Variants in AK5 observed in about 807,000 individuals in gnomAD.
The protein encoded by AK5 is adenylate kinase 5, also known as adenylate kinase isoenzyme 5.
In AK5, 27 loss-of-function variants were observed where a neutral mutation model predicts 69.5. The ratio of observed to expected loss-of-function variants is 0.39; its 90% CI spans 0.29 to 0.54. The LOEUF (loss-of-function observed/expected upper bound fraction) is 0.54, where lower values mean the gene tolerates loss of function less well. Ranked by LOEUF, AK5 falls within the 20% of genes least tolerant of loss-of-function variation. The probability of loss-of-function intolerance (pLI) is 0.71; values close to 1 mark genes in which losing one functional copy is unlikely to be tolerated. For synonymous variants in AK5, 260 were observed against 244.4 expected (o/e 1.06, Z -0.60); for missense variants, 531 against 700.4 (o/e 0.76, Z 2.73).
chr1:77,444,760 G>C (rs915002593), intron 8 of AK5, among the ~76,000 whole-genome samples: 1 of 147,336 alleles, frequency 6.8e-6, no homozygotes. Flanking sequence ...TGTAGAGATT[G>C]GGGGGAGGGT....
intron 6 of AK5, among the ~76,000 whole-genome samples, chr1:77,368,236 T>TG (rs1557535260): frequency 1.7e-4 from 6 of 35,910 alleles, no homozygotes; most frequent in African/African-American, 4.9e-4. Flanking sequence ...TATATATATA[T>TG]ATATATATAT....
intron 6 of AK5, among the ~76,000 whole-genome samples, chr1:77,371,085 A>G (rs1001032645): frequency 1.3e-5 from 2 of 152,216 alleles, no homozygotes; most frequent in African/African-American, 4.8e-5. Context: ...GAAAGGAACT[A>G]TAAATATTTA....
chr1:77,531,815 G>A (rs1181390105), intron 12 of AK5, among the ~76,000 whole-genome samples: 1 of 150,722 alleles, frequency 6.6e-6, no homozygotes, highest in African/African-American at 2.4e-5. Context: ...GGCTGCGCTC[G>A]TCGGGGAGGC....
At chr1:77,355,181 T>C (rs549701340) in intron 6 of AK5, among the ~76,000 whole-genome samples, 12 of 152,342 alleles carry the variant, frequency 7.9e-5, no homozygotes, top group African/African-American at 2.9e-4. Context: ...TCTCAGAAGA[T>C]TTTGTAAAGC....
At chr1:77,548,903 T>C (rs1659674058) in intron 13 of AK5, among the ~76,000 whole-genome samples, 1 of 146,862 alleles carries the variant, frequency 6.8e-6, no homozygotes, top group African/African-American at 2.5e-5. Flanking sequence ...TTTAGCTTTT[T>C]TTTTTTTTTT....
intron 8 of AK5, among the ~76,000 whole-genome samples, chr1:77,435,883 T>C (rs1651928935): frequency 6.6e-6 from 1 of 152,228 alleles, no homozygotes; most frequent in African/African-American, 2.4e-5. Flanking sequence ...AATTCCCTTT[T>C]ATTTATAGCA....
intron 6 of AK5, among the ~76,000 whole-genome samples, chr1:77,365,050 T>C (rs1485837021): frequency 2.6e-5 from 4 of 152,216 alleles, no homozygotes; most frequent in Non-Finnish European, 5.9e-5. Flanking sequence ...TTTTATCTTT[T>C]GATAACATTC....
chr1:77,446,735 A>C (rs893692192), intron 8 of AK5, among the ~76,000 whole-genome samples: 1 of 152,082 alleles, frequency 6.6e-6, no homozygotes, highest in African/African-American at 2.4e-5. Flanking sequence ...TGTTCAGGTC[A>C]TTGGTCAATA....
intron 10 of AK5, among the ~76,000 whole-genome samples, 158 bp downstream of exon 10, chr1:77,486,510 A>G (rs752723430): frequency 2.0e-5 from 3 of 152,076 alleles, no homozygotes; most frequent in Non-Finnish European, 4.4e-5. Context: ...CCTGGCTAAC[A>G]CAGTGAAACC....
chr1:77,460,295 G>T (rs1303291026), intron 8 of AK5, among the ~76,000 whole-genome samples: 1 of 152,202 alleles, frequency 6.6e-6, no homozygotes, highest in Admixed American at 6.5e-5. Flanking sequence ...CAAATGAAGA[G>T]CATTTAGAAT....
At chr1:77,535,217 A>T (rs960416036) in intron 12 of AK5, among the ~76,000 whole-genome samples, 1 of 152,294 alleles carries the variant, frequency 6.6e-6, no homozygotes, top group South Asian at 2.1e-4. Flanking sequence ...TTTCCGCTAC[A>T]GTCTGTTGGT....
chr1:77,515,793 G>A (rs1310831642), intron 10 of AK5, among the ~76,000 whole-genome samples: 1 of 152,190 alleles, frequency 6.6e-6, no homozygotes, highest in Non-Finnish European at 1.5e-5. Context: ...GCTCAGGCCT[G>A]TAATCCCAGA....
chr1:77,502,131 T>TA (rs907002701), intron 10 of AK5, among the ~76,000 whole-genome samples: 1 of 152,152 alleles, frequency 6.6e-6, no homozygotes, highest in African/African-American at 2.4e-5. Flanking sequence ...TGAAAGTTTT[T>TA]AAAAAAATAA....
intron 6 of AK5, among the ~76,000 whole-genome samples, chr1:77,368,698 T>C (rs55944358): frequency 0.24 from 34,734 of 147,644 alleles, 4,949 homozygotes; most frequent in Non-Finnish European, 0.31. Context: ...CCTGTACGGG[T>C]TGAGCCTTCC....
intron 5 of AK5, among the ~76,000 whole-genome samples, chr1:77,336,011 T>C (rs2602929): frequency 0.15 from 22,646 of 151,790 alleles, 2,191 homozygotes; most frequent in Non-Finnish European, 0.21. Context: ...TCATGCTTTT[T>C]ATTTATTTGT....
chr1:77,426,781 A>G (rs778891361), intron 8 of AK5, among the ~76,000 whole-genome samples: 16 of 152,226 alleles, frequency 1.1e-4, no homozygotes, highest in Non-Finnish European at 1.9e-4. Flanking sequence ...TAAATCATAC[A>G]GTGTCTGCTC....
chr1:77,368,695 G>A (rs372407318), intron 6 of AK5, among the ~76,000 whole-genome samples: 36 of 152,016 alleles, frequency 2.4e-4, no homozygotes, highest in Non-Finnish European at 4.7e-4. Context: ...ATCCCTGTAC[G>A]GGTTGAGCCT....
intron 6 of AK5, among the ~76,000 whole-genome samples, chr1:77,360,824 A>G (rs1387335204): frequency 6.6e-6 from 1 of 152,198 alleles, no homozygotes; most frequent in Non-Finnish European, 1.5e-5. Flanking sequence ...AACTTCAACG[A>G]ATATGTGTTA....
rs144510620 is a variant in AK5 at position 77,476,906 on chromosome 1, T to TAAAA, written c.1060-6411_1060-6410insAAAA. 5.4e-5 allele frequency among the ~76,000 whole-genome samples: 8 copies of TAAAA among 148,616 alleles called. No homozygotes were observed. The South Asian group carries it at 1.5e-3, about 28-fold the overall frequency. ...ATGTGTGAGGTGTTTTGCTGTTTTT[T>TAAAA]TAAAAAAAAAAAACAGGTATAAGGA... On this transcript the variant is annotated intron_variant, in intron 8 of 13. Transcript: ENST00000354567.
Sources: allele counts gnomAD v4.1 joint callset (sites outside exome capture counted in the v4.1 genomes callset), GRCh38; gene constraint gnomAD v4.1.1; transcripts MANE v1.5; gene names NCBI Gene and HGNC (gene_info 2026-07-23, HGNC 2026-07-21).